The following SNRPE variants were observed in gnomAD, a reference collection of about 807,000 sequenced individuals.
The protein encoded by SNRPE is small nuclear ribonucleoprotein polypeptide E, also known as small nuclear ribonucleoprotein E.
For missense variants in SNRPE, 53 were observed against 111.6 expected (o/e 0.48, Z 2.36); for synonymous variants, 35 against 36.7 (o/e 0.95, Z 0.17).
At chr1:203,867,279 CAAAAAAAAAAA>C (rs200904781) in intron 4 of SNRPE, among the ~76,000 whole-genome samples, 3 of 142,624 alleles carry the variant, frequency 2.1e-5, no homozygotes, top group African/African-American at 7.9e-5. Flanking sequence ...GACTCTGTCT[CAAAAAAAAAAA>C]AAAAAACAGT....
intron 2 of SNRPE, among the ~76,000 whole-genome samples, chr1:203,862,967 A>G (rs1426155763): frequency 6.6e-6 from 1 of 152,164 alleles, no homozygotes; most frequent in African/African-American, 2.4e-5. Context: ...GCAGTAAGAA[A>G]TATTGAGTCC....
At chr1:203,868,715 G>T (rs1326385415) in intron 4 of SNRPE, among the ~76,000 whole-genome samples, 2 of 151,972 alleles carry the variant, frequency 1.3e-5, no homozygotes, top group Non-Finnish European at 2.9e-5. Context: ...TGTCTCCCAG[G>T]CTTGAGTGCC....
chr1:203,861,690 CAGA>C lies in SNRPE; in HGVS notation c.34_36del (p.Lys12del), dbSNP rs1421472561. ...GTACCGTGGCCAGGGTCAGAAAGTG[CAGA>C]AGGTTATGGTGCAGCCCATCGTATC... is the stretch of plus-strand genomic sequence containing the variant. On this transcript the variant is annotated inframe_deletion, in exon 1 of 5. Transcript: ENST00000414487. 6.2e-7 allele frequency: 1 copy of C among 1,613,202 alleles called. No individual in the cohort carries two copies. The highest frequency in any genetic ancestry group is 8.5e-7 in the Non-Finnish European group (1 of 1,179,138).
chr1:203,867,107 GAAAAAA>G (rs71566135), intron 4 of SNRPE, among the ~76,000 whole-genome samples: 4 of 52,902 alleles, frequency 7.6e-5, no homozygotes, highest in African/African-American at 3.2e-4. Flanking sequence ...TGTCTTTCCT[GAAAAAA>G]AAAAAAAAAA....
At chr1:203,861,819 C>A in intron 1 of SNRPE, 106 bp downstream of exon 1, 1 of 867,062 alleles carries the variant, frequency 1.2e-6, no homozygotes, top group South Asian at 1.3e-5. Context: ...ATCCACATCC[C>A]ATGAGCCCCC....
chr1:203,868,946 G>C (rs1367320546), intron 4 of SNRPE, among the ~76,000 whole-genome samples: 1 of 152,188 alleles, frequency 6.6e-6, no homozygotes. Flanking sequence ...TGGGATTATA[G>C]GTGTGAGCCA....
At position 203,865,122 on chromosome 1, in the gene SNRPE, AAGGAT is replaced by A; in HGVS notation, c.223+6_223+10del. ...AACAAAGTCAAGAAAACAACTGGGTAAGGATAGAAGTGGTCTTACAGAATTCTAGA... is the reference window on the plus strand; with the variant it reads ...AACAAAGTCAAGAAAACAACTGGGTAAGAAGTGGTCTTACAGAATTCTAGA... On this transcript the variant is annotated splice_donor_5th_base_variant and intron_variant, in intron 4 of 4. Transcript: ENST00000414487. 1.2e-6 allele frequency: 2 copies of A among 1,608,838 alleles called. No individual in the cohort carries two copies. The highest frequency in any genetic ancestry group is 1.1e-5 in the South Asian group (1 of 90,434).
At chr1:203,869,392 C>T (rs1319218301) in intron 4 of SNRPE, among the ~76,000 whole-genome samples, 2 of 142,650 alleles carry the variant, frequency 1.4e-5, no homozygotes, top group Non-Finnish European at 3.0e-5. Flanking sequence ...CTGCAACCTC[C>T]GCCTCCCGGA....
intron 2 of SNRPE, among the ~76,000 whole-genome samples, chr1:203,862,773 C>A (rs1051745372): frequency 1.3e-5 from 2 of 152,140 alleles, no homozygotes; most frequent in African/African-American, 4.8e-5. Flanking sequence ...ACATTAATTT[C>A]AGGTGATAAT....
In SNRPE at chr1:203,863,312, C is replaced by T. The variant is rs142602017; in HGVS notation, c.82-351C>T. 1.8e-4 allele frequency among the ~76,000 whole-genome samples: 28 copies of T among 152,034 alleles called. No individual in the cohort carries two copies. In the East Asian group the frequency reaches 3.9e-3, roughly 21 times the overall value. On this transcript the variant is annotated intron_variant, in intron 2 of 4. Transcript: ENST00000414487. ...ATGGGAACGGTGTGAATCGAGGCAC[C>T]TGGCCTGTTTTTCTTTTCTTTTTTT...
chr1:203,869,232 C>G (rs1002654292), intron 4 of SNRPE, among the ~76,000 whole-genome samples: 3 of 139,608 alleles, frequency 2.1e-5, no homozygotes, highest in Admixed American at 7.4e-5. Context: ...AAAGTATTGT[C>G]TTAAATAACC....
At chr1:203,863,850 T>C (rs1690030362) in intron 3 of SNRPE, 125 bp downstream of exon 3, 3 of 652,872 alleles carry the variant, frequency 4.6e-6, no homozygotes, top group Admixed American at 2.5e-5. Context: ...TTTCAGGTGC[T>C]GCTGTTTAGC....
At chr1:203,863,507 G>T in intron 2 of SNRPE, 156 bp from the exon 3 acceptor site, 1 of 595,034 alleles carries the variant, frequency 1.7e-6, no homozygotes, top group Non-Finnish European at 3.0e-6. Flanking sequence ...TTTTAGTAGA[G>T]ATGGGGTTTC....
rs150494848 is a variant in SNRPE, at chr1:203,869,364, T to C, written c.224-513T>C. Among the ~76,000 whole-genome samples, 255 of 137,668 alleles carry C rather than the reference T, an allele frequency of 1.9e-3. 2 individuals carry two copies. Among genetic ancestry groups the C allele is most frequent in the African/African-American group, 6.4e-3 (240 of 37,752 alleles). 90.3% of individuals were successfully genotyped at this position (137,668 alleles called of 152,430 possible). A position where few individuals can be genotyped will look rare whatever the true frequency, so the allele number is the denominator to read the frequency against. On this transcript the variant is annotated intron_variant, in intron 4 of 4. Transcript: ENST00000414487. ...TCTTGTTGCCCAGGCTGGAGTGCAA[T>C]GGTGCCATCTTGGCTCACTGCAACC...
chr1:203,866,981 G>A (rs1690100567), intron 4 of SNRPE, among the ~76,000 whole-genome samples: 2 of 151,238 alleles, frequency 1.3e-5, no homozygotes, highest in African/African-American at 4.9e-5. Context: ...TAAGACAGCG[G>A]TCCCCTAGGC....
intron 3 of SNRPE, 91 bp from the exon 4 acceptor site, chr1:203,864,950 T>G: frequency 8.0e-7 from 1 of 1,248,298 alleles, no homozygotes; most frequent in Non-Finnish European, 1.1e-6. Flanking sequence ...ATCTTTGAAG[T>G]TAGTTGGAGT....
intron 1 of SNRPE, 180 bp downstream of exon 1, chr1:203,861,893 G>C: frequency 6.2e-6 from 4 of 647,252 alleles, no homozygotes; most frequent in South Asian, 1.8e-5. Context: ...GGTGGTCTTG[G>C]GGGGACCCCT....
At position 203,861,629 on chromosome 1, in the gene SNRPE, C is replaced by G. The variant is rs371433887; in HGVS notation, c.-31C>G. On this transcript the variant is annotated 5_prime_UTR_variant, in exon 1 of 5. Transcript: ENST00000414487. ...TTCCGGAAGTTGCTCTCAGAGGCAG[C>G]GTGCGGGTGTGCTCTTTGTGAAATT... The G allele has an allele frequency of 2.5e-6, 4 of 1,588,170 alleles. No homozygotes were observed. Among genetic ancestry groups the G allele is most frequent in the Non-Finnish European group, 3.5e-6 (4 of 1,156,400 alleles).
chr1:203,869,108 G>A (rs528788456), intron 4 of SNRPE, among the ~76,000 whole-genome samples: 1 of 152,254 alleles, frequency 6.6e-6, no homozygotes, highest in African/African-American at 2.4e-5. Flanking sequence ...ATTAATACCT[G>A]CAGAAGCCTG....
Sources: allele counts gnomAD v4.1 joint callset (sites outside exome capture counted in the v4.1 genomes callset), GRCh38; gene constraint gnomAD v4.1.1; transcripts MANE v1.5; gene names NCBI Gene and HGNC (gene_info 2026-07-23, HGNC 2026-07-21).